KIF20B: variants seen among roughly 807,000 people sequenced by gnomAD.
KIF20B encodes the protein kinesin-like protein KIF20B.
KIF20B carries 188 observed loss-of-function variants against 232.5 expected under a neutral mutation model. The ratio of observed to expected loss-of-function variants is 0.81; its 90% confidence interval spans 0.72 to 0.91. KIF20B has a LOEUF of 0.91. KIF20B is among the 40% of genes least tolerant of loss of function. The pLI, the probability that KIF20B is intolerant of heterozygous loss-of-function variation, is 0.00. For synonymous variants in KIF20B, 712 were observed against 683.0 expected (o/e 1.04, Z -0.66); for missense variants, 2,154 against 2,055.9 (o/e 1.05, Z -0.92).
intron 31 of KIF20B, among the ~76,000 whole-genome samples, chr10:89,772,306 A>T (rs1425514343): frequency 1.3e-5 from 2 of 152,086 alleles, no homozygotes; most frequent in Non-Finnish European, 2.9e-5. Flanking sequence ...ATGCATGAGC[A>T]TTGAACTAGA....
At chr10:89,768,710 CA>C (rs775854256) in intron 30 of KIF20B, 27 bp from the exon 31 acceptor site, 3 of 1,557,566 alleles carry the variant, frequency 1.9e-6, no homozygotes, top group Admixed American at 2.1e-5. Context: ...TTCTCATCAA[CA>C]ATAACAAAAA....
intron 17 of KIF20B, among the ~76,000 whole-genome samples, chr10:89,728,264 A>G (rs780164626): frequency 4.6e-5 from 7 of 152,180 alleles, no homozygotes; most frequent in Non-Finnish European, 1.0e-4. Flanking sequence ...AATAGTAGAC[A>G]CTAGTTGTAC....
At chr10:89,713,145 A>C (rs555572925) in intron 6 of KIF20B, among the ~76,000 whole-genome samples, 35 of 152,236 alleles carry the variant, frequency 2.3e-4, no homozygotes, top group African/African-American at 6.7e-4. Context: ...TGATCACTTG[A>C]GGCCAGGAGT....
intron 22 of KIF20B, 78 bp from the exon 23 acceptor site, chr10:89,745,821 C>T (rs1841897660): frequency 2.2e-6 from 2 of 908,372 alleles, no homozygotes; most frequent in Admixed American, 3.9e-5. Flanking sequence ...TAATATTGAG[C>T]CCTGTTTTCA....
chr10:89,739,040 G>A lies in KIF20B; in HGVS notation c.3859G>A (p.Asp1287Asn), dbSNP rs150394796. 1.1e-3 allele frequency: 1,780 copies of A among 1,613,410 alleles called. 2 individuals carry two copies. The highest frequency in any genetic ancestry group is 1.4e-3 in the Non-Finnish European group (1,710 of 1,179,614). Reference sequence around the variant, plus strand: ...TCAGAGGAAGGAAGAAGATTATGCTGACCTGAAAGAGAAACTGACTGATGC... The same window carrying A: ...TCAGAGGAAGGAAGAAGATTATGCTAACCTGAAAGAGAAACTGACTGATGC... The part of the protein sequence containing the change: ...DLQRKEEDYA[D>N]LKEKLTDAKK... Residue 1287 changes from aspartate to asparagine, a missense_variant, in exon 21 of 33, where the codon GAC (aspartate) becomes AAC (asparagine). By Grantham distance (23) the Asp-to-Asn change is conservative. Coordinates refer to ENST00000371728, the MANE Select transcript of KIF20B (RefSeq NM_001284259.2).
Position 89,729,138 on chromosome 10 carries a change from C to A in KIF20B, c.2282C>A (p.Thr761Lys). 7.1e-7 allele frequency: 1 copy of A among 1,412,360 alleles called. No individual in the cohort carries two copies. The highest frequency in any genetic ancestry group is 9.5e-7 in the Non-Finnish European group (1 of 1,056,706). 87.5% of individuals were successfully genotyped at this position (1,412,360 alleles called of 1,614,324 possible). ...TTCTTCTTTCCAAAGAAAATAATTA[C>A]ACAGAATCAAAGAATTAAAGAATTG... ...ELETSNKKIITQNQRIKELIN... is the reference protein window; with the variant it reads ...ELETSNKKIIKQNQRIKELIN... The change falls in exon 18 of 33, where the codon ACA (threonine) becomes AAA (lysine). Residue 761 changes from threonine to lysine, a missense_variant. Coordinates refer to ENST00000371728, the MANE Select transcript of KIF20B (RefSeq NM_001284259.2).
chr10:89,703,562 A>G (rs1357017063), intron 1 of KIF20B, among the ~76,000 whole-genome samples: 1 of 151,260 alleles, frequency 6.6e-6, no homozygotes, highest in East Asian at 1.9e-4. Context: ...GATCATAGAA[A>G]CTCTCAAGGG....
At chr10:89,725,754 A>G (rs773324156) in intron 15 of KIF20B, among the ~76,000 whole-genome samples, 6 of 152,134 alleles carry the variant, frequency 3.9e-5, no homozygotes, top group Non-Finnish European at 7.4e-5. Context: ...TCTACTTGTA[A>G]TATAAGAAAA....
chr10:89,738,545 A>G lies in KIF20B; in HGVS notation c.3704A>G (p.Asn1235Ser), dbSNP rs753582024. ...LKEEITQLTN[N>S]LQDMKHLLQL... ...GAAGAAATCACACAGTTAACAAATA[A>G]TTTGCAAGATATGAAACATTTACTT... The change falls in exon 20 of 33, where the codon AAT becomes AGT. Residue 1235 changes from asparagine to serine, a missense_variant. Asn to Ser is a conservative substitution (Grantham distance 46, BLOSUM62 1). Coordinates refer to ENST00000371728, the MANE Select transcript of KIF20B (RefSeq NM_001284259.2). 2 of 1,592,060 alleles carry G rather than the reference A, an allele frequency of 1.3e-6. No individual in the cohort carries two copies. The highest frequency in any genetic ancestry group is 1.2e-5 in the South Asian group (1 of 85,724).
At chr10:89,705,172 A>G in intron 1 of KIF20B, 122 bp from the exon 2 acceptor site, 1 of 750,622 alleles carries the variant, frequency 1.3e-6, no homozygotes, top group Non-Finnish European at 2.3e-6. Flanking sequence ...AAGCAATGTA[A>G]TGCGTTTCTT....
chr10:89,720,282 A>C (rs1843025116), intron 13 of KIF20B, among the ~76,000 whole-genome samples: 1 of 152,044 alleles, frequency 6.6e-6, no homozygotes, highest in African/African-American at 2.4e-5. Flanking sequence ...TGCAATTTAG[A>C]TTTGTTTGAT....
Position 89,739,077 on chromosome 10 carries a change from T to C in KIF20B, c.3896T>C (p.Ile1299Thr). Residue 1299 changes from isoleucine to threonine, a missense_variant, in exon 21 of 33, where the codon ATT becomes ACT. Physicochemically the swap from Ile to Thr is moderately conservative, Grantham distance 89. Transcript: ENST00000371728. Reference protein sequence around the residue: ...KEKLTDAKKQIKQVQKEVSVM... With the variant: ...KEKLTDAKKQTKQVQKEVSVM... ...AAACTGACTGATGCCAAAAAGCAGA[T>C]TAAGCAAGTACAGAAAGAGGTAGGT... The C allele has an allele frequency of 6.2e-7, 1 of 1,612,784 alleles. No individual in the cohort carries two copies. The highest frequency in any genetic ancestry group is 2.2e-5 in the East Asian group (1 of 44,762).
intron 16 of KIF20B, among the ~76,000 whole-genome samples, chr10:89,727,451 A>G (rs1843215253): frequency 6.6e-6 from 1 of 152,140 alleles, no homozygotes; most frequent in South Asian, 2.1e-4. Context: ...ATTGTTTGTA[A>G]TATCTGCATT....
chr10:89,741,363 C>T (rs1015639110), intron 21 of KIF20B, among the ~76,000 whole-genome samples: 5 of 152,128 alleles, frequency 3.3e-5, no homozygotes, highest in African/African-American at 4.8e-5. Context: ...GCTGTGTGGC[C>T]CAGTTCCTAA....
At chr10:89,773,671 T>C (rs959594308) in intron 32 of KIF20B, among the ~76,000 whole-genome samples, 5 of 152,034 alleles carry the variant, frequency 3.3e-5, no homozygotes, top group African/African-American at 1.2e-4. Context: ...TTCTTAAAAA[T>C]TATTTGAGGC....
At chr10:89,757,372 C>T (rs1490673690) in intron 26 of KIF20B, among the ~76,000 whole-genome samples, 4 of 151,740 alleles carry the variant, frequency 2.6e-5, no homozygotes, top group East Asian at 1.9e-4. Context: ...TTATACTTTT[C>T]GGGATAGAAG....
chr10:89,716,889 A>C (rs7089108), intron 9 of KIF20B, among the ~76,000 whole-genome samples: 46,901 of 151,866 alleles, frequency 0.31, 8,144 homozygotes, highest in African/African-American at 0.46. Context: ...ATACTCAGTG[A>C]GGGTATAATC....
At chr10:89,723,105 G>A (rs1843102897) in intron 13 of KIF20B, among the ~76,000 whole-genome samples, 1 of 151,986 alleles carries the variant, frequency 6.6e-6, no homozygotes, top group Non-Finnish European at 1.5e-5. Context: ...CAGAACATGG[G>A]GTTATATTAT....
chr10:89,758,920 ATAG>A, intron 27 of KIF20B, 38 bp downstream of exon 27: 1 of 1,270,854 alleles, frequency 7.9e-7, no homozygotes, highest in Non-Finnish European at 1.1e-6. Flanking sequence ...TTAATTGAAC[ATAG>A]TAATTACTTA....
Sources: allele counts gnomAD v4.1 joint callset (sites outside exome capture counted in the v4.1 genomes callset), GRCh38; gene constraint gnomAD v4.1.1; transcripts MANE v1.5; gene names NCBI Gene and HGNC (gene_info 2026-07-23, HGNC 2026-07-21).